The following FRAS1 variants were observed in gnomAD, a reference collection of about 807,000 sequenced individuals.
FRAS1 encodes the protein Fraser extracellular matrix complex subunit 1.
A neutral mutation model predicts 435.2 loss-of-function variants in FRAS1; 290 were observed. The observed-to-expected ratio is 0.67, with a 90% CI of 0.61 to 0.73. FRAS1 has a LOEUF of 0.73. Ranked by LOEUF, FRAS1 falls within the 30% of genes least tolerant of loss-of-function variation. The probability of loss-of-function intolerance (pLI) is 0.00; values close to 1 mark genes in which losing one functional copy is unlikely to be tolerated. For missense variants in FRAS1, 4,860 were observed against 5,001.5 expected, an observed-to-expected ratio of 0.97 and a Z score of 0.85; for synonymous variants, 1,800 against 1,851.0, an observed-to-expected ratio of 0.97 and a Z score of 0.71.
chr4:78,141,777 A>G lies in FRAS1; in HGVS notation c.108+75761A>G, dbSNP rs370159777. Among the ~76,000 whole-genome samples, 9 of 152,344 alleles carry G rather than the reference A, an allele frequency of 5.9e-5. 1 individual carries two copies. Among genetic ancestry groups the G allele is most frequent in the African/African-American group, 2.2e-4 (9 of 41,572 alleles). Reference sequence around the variant, plus strand: ...AATGGATAAAGAAAGTGTGGTATATATATACACGATGGAATACTACACAGC... The same window carrying G: ...AATGGATAAAGAAAGTGTGGTATATGTATACACGATGGAATACTACACAGC... On this transcript the variant is annotated intron_variant, in intron 2 of 73. Transcript: ENST00000512123.
chr4:78,058,103 CGTGTGT>C lies in FRAS1; in HGVS notation c.76+30_76+35del, dbSNP rs71214392. On this transcript the variant is annotated intron_variant, in intron 1 of 73. Coordinates refer to ENST00000512123, the MANE Select transcript of FRAS1 (RefSeq NM_025074.7). ...TTCCGAAGGTGAGAGAGCGGTGCCG[CGTGTGT>C]GTGTGTGTGTGCGTGTGCGTGTGTG... 55 of 1,529,204 alleles carry C rather than the reference CGTGTGT, an allele frequency of 3.6e-5. No individual in the cohort carries two copies. In the African/African-American group the frequency reaches 5.9e-4, roughly 17 times the overall value. The allele number at this position is 1,529,204 out of a possible 1,614,324, so 94.7% of individuals were successfully genotyped here. A position where few individuals can be genotyped will look rare whatever the true frequency, so the allele number is the denominator to read the frequency against.
At chr4:78,483,816 TAC>T (rs1247489795) in intron 58 of FRAS1, among the ~76,000 whole-genome samples, 11 of 116,760 alleles carry the variant, frequency 9.4e-5, no homozygotes, top group Non-Finnish European at 1.5e-4. Flanking sequence ...GTATGTGTGA[TAC>T]ACACACACAC....
At chr4:78,377,839 A>AATGTAATGCTATAAACTCCAGCACACTGT (rs1731837804) in intron 26 of FRAS1, among the ~76,000 whole-genome samples, 2 of 152,132 alleles carry the variant, frequency 1.3e-5, no homozygotes, top group African/African-American at 4.8e-5. Context: ...ACCCAAGAAC[A>AATGTAATGCTATAAACTCCAGCACACTGT]TCCAAGTCAG....
intron 10 of FRAS1, among the ~76,000 whole-genome samples, chr4:78,279,970 A>G (rs1369426264): frequency 6.6e-6 from 1 of 152,160 alleles, no homozygotes; most frequent in African/African-American, 2.4e-5. Context: ...TGCCTTTTCC[A>G]TCTTAACTAG....
chr4:78,271,555 A>G (rs949499129), intron 9 of FRAS1, among the ~76,000 whole-genome samples: 1 of 152,156 alleles, frequency 6.6e-6, no homozygotes, highest in African/African-American at 2.4e-5. Flanking sequence ...ATGAGTGAGA[A>G]CATGCAGTGT....
At chr4:78,127,287 G>A (rs903400348) in intron 2 of FRAS1, among the ~76,000 whole-genome samples, 1 of 152,268 alleles carries the variant, frequency 6.6e-6, no homozygotes, top group East Asian at 1.9e-4. Flanking sequence ...AGCCTAAAAC[G>A]ATAATCCTAG....
intron 3 of FRAS1, among the ~76,000 whole-genome samples, chr4:78,242,208 G>T (rs1725030789): frequency 6.6e-6 from 1 of 152,176 alleles, no homozygotes; most frequent in African/African-American, 2.4e-5. Context: ...TGTAAATAAA[G>T]AAACTGATTT....
intron 15 of FRAS1, among the ~76,000 whole-genome samples, chr4:78,311,030 G>A (rs974381458): frequency 6.6e-6 from 1 of 152,274 alleles, no homozygotes; most frequent in Non-Finnish European, 1.5e-5. Flanking sequence ...TAAAGAGTGG[G>A]GCAATTCAAA....
At chr4:78,237,434 C>CTATT in intron 2 of FRAS1, 76 bp from the exon 3 acceptor site, 1 of 965,320 alleles carries the variant, frequency 1.0e-6, no homozygotes, top group African/African-American at 1.6e-5. Context: ...GGATGTGGGA[C>CTATT]TATTGATGGT....
intron 2 of FRAS1, among the ~76,000 whole-genome samples, chr4:78,091,924 A>T (rs928044810): frequency 1.5e-5 from 2 of 136,322 alleles, no homozygotes; most frequent in African/African-American, 5.4e-5. Context: ...AGATAGGAGG[A>T]TCGGTTGAGT....
At chr4:78,093,104 A>G (rs1201941987) in intron 2 of FRAS1, among the ~76,000 whole-genome samples, 3 of 152,218 alleles carry the variant, frequency 2.0e-5, no homozygotes, top group Non-Finnish European at 2.9e-5. Flanking sequence ...TCACCACAGG[A>G]AAATTCTGAA....
chr4:78,128,024 T>C (rs1719468267), intron 2 of FRAS1, among the ~76,000 whole-genome samples: 1 of 151,852 alleles, frequency 6.6e-6, no homozygotes, highest in Admixed American at 6.6e-5. Flanking sequence ...GTCCTTGAGA[T>C]AGTTTGCTGA....
intron 60 of FRAS1, among the ~76,000 whole-genome samples, chr4:78,498,653 GAAAT>G (rs1720582172): frequency 6.6e-6 from 1 of 151,994 alleles, no homozygotes; most frequent in African/African-American, 2.4e-5. Context: ...GAAAGAAACG[GAAAT>G]AAATACAGAA....
At chr4:78,497,833 G>A (rs1720550008) in intron 60 of FRAS1, among the ~76,000 whole-genome samples, 1 of 152,114 alleles carries the variant, frequency 6.6e-6, no homozygotes, top group African/African-American at 2.4e-5. Context: ...CTTGGACATT[G>A]GATAAAATAA....
At chr4:78,299,521 G>GCATGT (rs139546971) in intron 14 of FRAS1, among the ~76,000 whole-genome samples, 2,068 of 152,292 alleles carry the variant, frequency 0.014, 51 homozygotes, top group African/African-American at 0.047. Flanking sequence ...CAGTATAACT[G>GCATGT]CATGTCTGCG....
chr4:78,381,105 T>A (rs1731996852), intron 27 of FRAS1, among the ~76,000 whole-genome samples: 1 of 152,106 alleles, frequency 6.6e-6, no homozygotes, highest in South Asian at 2.1e-4. Context: ...CAAGACTGAT[T>A]CCACAATGCA....
At chr4:78,421,802 T>C in intron 33 of FRAS1, 61 bp from the exon 34 acceptor site, 1 of 1,576,744 alleles carries the variant, frequency 6.3e-7, no homozygotes, top group Non-Finnish European at 8.7e-7. Flanking sequence ...TCTATGGCTC[T>C]AGTCATTCAG....
At chr4:78,123,042 G>A (rs909212715) in intron 2 of FRAS1, among the ~76,000 whole-genome samples, 2 of 152,144 alleles carry the variant, frequency 1.3e-5, no homozygotes, top group African/African-American at 4.8e-5. Context: ...TAGACATGAA[G>A]GCTTTGCCCA....
At chr4:78,260,819 A>G (rs1726056373) in intron 6 of FRAS1, among the ~76,000 whole-genome samples, 1 of 152,218 alleles carries the variant, frequency 6.6e-6, no homozygotes, top group Non-Finnish European at 1.5e-5. Flanking sequence ...TTGCCCATTC[A>G]GTATGATATT....
Sources: allele counts gnomAD v4.1 joint callset (sites outside exome capture counted in the v4.1 genomes callset), GRCh38; gene constraint gnomAD v4.1.1; transcripts MANE v1.5; gene names NCBI Gene and HGNC (gene_info 2026-07-23, HGNC 2026-07-21).